Variants in DENND4A observed in about 807,000 individuals in gnomAD.
DENND4A encodes the protein DENN domain containing 4A.
A neutral mutation model predicts 199.3 loss-of-function variants in DENND4A; 70 were observed. The ratio of observed to expected loss-of-function variants is 0.35; its 90% confidence interval spans 0.29 to 0.43. DENND4A has a LOEUF of 0.43. Ranked by LOEUF, DENND4A falls within the 20% of genes least tolerant of loss-of-function variation. The probability of loss-of-function intolerance (pLI) is 1.00; values close to 1 mark genes in which losing one functional copy is unlikely to be tolerated. For missense variants in DENND4A, 1,723 were observed against 2,255.8 expected, an observed-to-expected ratio of 0.76 and a Z score of 4.78; for synonymous variants, 686 against 766.9, an observed-to-expected ratio of 0.89 and a Z score of 1.74.
chr15:65,730,972 A>G (rs1023188923), intron 9 of DENND4A, among the ~76,000 whole-genome samples: 1 of 152,058 alleles, frequency 6.6e-6, no homozygotes, highest in African/African-American at 2.4e-5. Context: ...TTTCTAGTTT[A>G]TTTTCAGCTC....
intron 1 of DENND4A, among the ~76,000 whole-genome samples, chr15:65,770,346 T>C (rs878878548): frequency 1.3e-5 from 2 of 152,270 alleles, no homozygotes; most frequent in South Asian, 2.1e-4. Context: ...TTCAAGGACA[T>C]ACACATCAAA....
intron 23 of DENND4A, among the ~76,000 whole-genome samples, chr15:65,687,327 T>C (rs2076821118): frequency 6.6e-6 from 1 of 152,182 alleles, no homozygotes; most frequent in African/African-American, 2.4e-5. Flanking sequence ...CTGTCAAACA[T>C]CTATGCATAT....
chr15:65,697,982 T>C (rs932332252), intron 20 of DENND4A, among the ~76,000 whole-genome samples: 2 of 152,174 alleles, frequency 1.3e-5, no homozygotes, highest in African/African-American at 4.8e-5. Flanking sequence ...CTGGGAGCAG[T>C]GATTCATGCC....
At chr15:65,673,880 C>T (rs1423660446) in intron 24 of DENND4A, among the ~76,000 whole-genome samples, 1 of 152,076 alleles carries the variant, frequency 6.6e-6, no homozygotes, top group African/African-American at 2.4e-5. Flanking sequence ...AGCAGCCTAC[C>T]TTTTGTATCT....
Position 65,691,407 on chromosome 15 carries a change from T to C in DENND4A, c.3187A>G (p.Thr1063Ala), listed in dbSNP as rs752841000. The C allele has an allele frequency of 1.2e-6, 2 of 1,613,604 alleles. No homozygotes were observed. Among genetic ancestry groups the C allele is most frequent in the South Asian group, 2.2e-5 (2 of 91,070 alleles). Reference sequence around the variant, plus strand: ...CAGACCACTTGCTGCTGCAAATTAGTTTCATTGTCACTTTTATGTCTTTTC... The same window carrying C: ...CAGACCACTTGCTGCTGCAAATTAGCTTCATTGTCACTTTTATGTCTTTTC... Reference protein sequence around the residue: ...FRKRHKSDNETNLQQQVVWGN... With the variant: ...FRKRHKSDNEANLQQQVVWGN... Residue 1063 changes from threonine to alanine, a missense_variant, in exon 23 of 33, where the codon ACT becomes GCT. Around this residue, in one of 6 missense-constraint regions of DENND4A, gnomAD observed 650 missense variants for 738.1 expected, o/e 0.88. Coordinates refer to ENST00000443035, the MANE Select transcript of DENND4A (RefSeq NM_001320835.1).
intron 9 of DENND4A, among the ~76,000 whole-genome samples, chr15:65,730,677 G>C (rs2075931867): frequency 6.6e-6 from 1 of 152,072 alleles, no homozygotes; most frequent in Non-Finnish European, 1.5e-5. Flanking sequence ...TATAGAGACA[G>C]AATGTAGATT....
intron 9 of DENND4A, 113 bp downstream of exon 9, chr15:65,731,529 A>C (rs2075958670): frequency 2.4e-6 from 2 of 817,090 alleles, no homozygotes; most frequent in African/African-American, 3.5e-5. Flanking sequence ...GAGAAGTAGT[A>C]GTTAAATGAG....
intron 24 of DENND4A, among the ~76,000 whole-genome samples, chr15:65,674,245 T>C (rs1435186129): frequency 6.6e-6 from 1 of 152,198 alleles, no homozygotes; most frequent in East Asian, 1.9e-4. Flanking sequence ...GGTATTATGA[T>C]TTATGTTTTC....
At chr15:65,728,214 G>A (rs981665105) in intron 11 of DENND4A, among the ~76,000 whole-genome samples, 1 of 152,048 alleles carries the variant, frequency 6.6e-6, no homozygotes, top group African/African-American at 2.4e-5. Flanking sequence ...TGTTGGCCAG[G>A]CTGGTCTCGA....
intron 23 of DENND4A, among the ~76,000 whole-genome samples, chr15:65,688,599 A>T (rs2076871412): frequency 6.6e-6 from 1 of 152,180 alleles, no homozygotes; most frequent in South Asian, 2.1e-4. Context: ...TCCAGTTTGC[A>T]TCTGTCCCAT....
chr15:65,701,641 A>C (rs1008770544), intron 18 of DENND4A, 121 bp downstream of exon 18: 10 of 917,056 alleles, frequency 1.1e-5, no homozygotes, highest in Non-Finnish European at 1.3e-5. Context: ...CTTGATTGAC[A>C]AAATGTATTT....
At chr15:65,664,994 C>G in intron 30 of DENND4A, 2 of 458,096 alleles carry the variant, frequency 4.4e-6, no homozygotes, top group South Asian at 6.0e-5. Context: ...AAATCAGCAG[C>G]CTGGGATGGA....
At chr15:65,783,214 T>C (rs563288574) in intron 1 of DENND4A, among the ~76,000 whole-genome samples, 3 of 152,344 alleles carry the variant, frequency 2.0e-5, no homozygotes, top group East Asian at 1.9e-4. Flanking sequence ...CTGTTCTTTT[T>C]TGGTAAAGGC....
intron 5 of DENND4A, among the ~76,000 whole-genome samples, chr15:65,740,948 T>A (rs988534389): frequency 3.3e-5 from 5 of 151,934 alleles, no homozygotes; most frequent in African/African-American, 1.2e-4. Context: ...AGCAACCGAA[T>A]GAGACCCCGT....
chr15:65,675,882 A>G (rs890832231), intron 24 of DENND4A, among the ~76,000 whole-genome samples: 1 of 152,130 alleles, frequency 6.6e-6, no homozygotes, highest in Non-Finnish European at 1.5e-5. Context: ...TAAAAATATA[A>G]CATATATGCA....
chr15:65,742,893 A>C (rs2076296560), intron 4 of DENND4A, among the ~76,000 whole-genome samples: 1 of 152,220 alleles, frequency 6.6e-6, no homozygotes, highest in Non-Finnish European at 1.5e-5. Context: ...AAGTTTTACT[A>C]AATAAATATA....
intron 16 of DENND4A, 23 bp from the exon 17 acceptor site, chr15:65,702,534 A>G: frequency 1.9e-6 from 3 of 1,541,664 alleles, no homozygotes; most frequent in Non-Finnish European, 2.6e-6. Flanking sequence ...TAAAGATCTT[A>G]CTAATAAATT....
At chr15:65,665,123 C>CAAAACAA (rs759289167) in intron 30 of DENND4A, 24 of 465,802 alleles carry the variant, frequency 5.2e-5, no homozygotes, top group Admixed American at 1.2e-4. Flanking sequence ...AAAACCAAAC[C>CAAAACAA]AAAACAAAAA....
At chr15:65,785,898 C>T (rs1184929334) in intron 1 of DENND4A, among the ~76,000 whole-genome samples, 1 of 152,100 alleles carries the variant, frequency 6.6e-6, no homozygotes, top group Non-Finnish European at 1.5e-5. Flanking sequence ...GTTTTCCTAA[C>T]ATTTGTAACT....
Sources: gnomAD v4.1 joint callset for allele counts (sites outside exome capture counted in the v4.1 genomes callset) on GRCh38, gnomAD v4.1.1 for gene constraint, gnomAD v4.1.1 regional missense constraint, MANE v1.5 for transcripts, NCBI Gene and HGNC (gene_info 2026-07-23, HGNC 2026-07-21) for gene names.